The following SNTG1 variants were observed in gnomAD, a reference collection of about 807,000 sequenced individuals.
The protein encoded by SNTG1 is gamma-1-syntrophin.
Under a neutral mutation model 74.7 loss-of-function variants are expected in SNTG1, and 39 were observed. The ratio of observed to expected loss-of-function variants is 0.52; its 90% confidence interval spans 0.40 to 0.68. The LOEUF (loss-of-function observed/expected upper bound fraction) is 0.68. SNTG1 is among the 30% of genes least tolerant of loss of function. SNTG1 has a pLI of 0.00. For synonymous variants in SNTG1, 254 were observed against 217.1 expected, an observed-to-expected ratio of 1.17 and a Z score of -1.49; for missense variants, 685 against 609.5, an observed-to-expected ratio of 1.12 and a Z score of -1.30.
At chr8:49,965,122 C>T (rs989124900) in intron 1 of SNTG1, among the ~76,000 whole-genome samples, 24 of 152,030 alleles carry the variant, frequency 1.6e-4, no homozygotes, top group African/African-American at 4.6e-4. Context: ...TGACCACACT[C>T]GTCTATTAAA....
At chr8:50,475,398 G>A (rs2093689312) in intron 8 of SNTG1, among the ~76,000 whole-genome samples, 1 of 152,072 alleles carries the variant, frequency 6.6e-6, no homozygotes, top group Admixed American at 6.6e-5. Context: ...AGAAGCTCTG[G>A]AAACTTTGGG....
At chr8:50,129,131 T>G (rs1288201665) in intron 1 of SNTG1, among the ~76,000 whole-genome samples, 1 of 152,130 alleles carries the variant, frequency 6.6e-6, no homozygotes, top group Non-Finnish European at 1.5e-5. Flanking sequence ...AAATATTTAC[T>G]GAGTGCCTAC....
At chr8:50,225,475 G>A (rs1401647006) in intron 2 of SNTG1, among the ~76,000 whole-genome samples, 6 of 152,130 alleles carry the variant, frequency 3.9e-5, no homozygotes, top group Non-Finnish European at 7.4e-5. Context: ...ACCACCTTGA[G>A]TTGTCCCCTG....
chr8:50,050,513 C>T (rs902120104), intron 1 of SNTG1, among the ~76,000 whole-genome samples: 1 of 152,066 alleles, frequency 6.6e-6, no homozygotes, highest in East Asian at 1.9e-4. Flanking sequence ...GTGTATTCTT[C>T]CCCAAATTCA....
Position 50,658,251 on chromosome 8 carries a change from G to T in SNTG1, c.967-341G>T, listed in dbSNP as rs557175880. ...GTCTGGTATTCTCTGTATTTAACTAGTGGTAAATTAAAAAAAAAATATGAG... is the reference window on the plus strand; with the variant it reads ...GTCTGGTATTCTCTGTATTTAACTATTGGTAAATTAAAAAAAAAATATGAG... On this transcript the variant is annotated intron_variant, in intron 14 of 18. Transcript: ENST00000642720. 5.7e-5 allele frequency among the ~76,000 whole-genome samples: 8 copies of T among 141,210 alleles called. No homozygotes were observed. In the East Asian group the frequency reaches 1.6e-3, roughly 29 times the overall value. 92.6% of individuals were successfully genotyped at this position (141,210 alleles called of 152,430 possible).
chr8:50,400,816 C>T (rs4256602), intron 3 of SNTG1, among the ~76,000 whole-genome samples: 109,657 of 151,994 alleles, frequency 0.72, 39,672 homozygotes, highest in East Asian at 0.84. Flanking sequence ...GGGTCAGAAT[C>T]GGGAGATGTT....
At chr8:50,195,808 C>G (rs2083747692) in intron 2 of SNTG1, among the ~76,000 whole-genome samples, 1 of 152,138 alleles carries the variant, frequency 6.6e-6, no homozygotes, top group African/African-American at 2.4e-5. Flanking sequence ...AGGAGCAGTT[C>G]ACTTCCTTCA....
At chr8:50,001,160 G>C (rs564626989) in intron 1 of SNTG1, among the ~76,000 whole-genome samples, 1 of 152,260 alleles carries the variant, frequency 6.6e-6, no homozygotes, top group Non-Finnish European at 1.5e-5. Flanking sequence ...GTGTGCAGGG[G>C]CTTAGTATTC....
At chr8:50,141,107 T>G (rs563127335) in intron 1 of SNTG1, among the ~76,000 whole-genome samples, 26 of 152,226 alleles carry the variant, frequency 1.7e-4, no homozygotes, top group Admixed American at 1.5e-3. Flanking sequence ...ATACATGGAG[T>G]CTCCAGGTTT....
rs541409206 is a variant in SNTG1, at chr8:50,231,992, A to G, written c.-28+59357A>G. ...GTACTCCATAAATATATTCAACTAT[A>G]ATTTATCAAAATATTAAAAAATGAA... is the stretch of plus-strand genomic sequence containing the variant. On this transcript the variant is annotated intron_variant, in intron 2 of 18. Transcript: ENST00000642720. 2.0e-5 allele frequency among the ~76,000 whole-genome samples: 3 copies of G among 151,484 alleles called. No homozygotes were observed. The South Asian group carries it at 6.2e-4, about 31-fold the overall frequency.
At chr8:50,385,198 G>T in intron 2 of SNTG1, among the ~76,000 whole-genome samples, 1 of 152,142 alleles carries the variant, frequency 6.6e-6, no homozygotes, top group East Asian at 1.9e-4. Context: ...TGGACCTGAC[G>T]CAGAATCTTC....
At chr8:50,597,887 T>C (rs2094742400) in intron 13 of SNTG1, among the ~76,000 whole-genome samples, 1 of 152,062 alleles carries the variant, frequency 6.6e-6, no homozygotes, top group African/African-American at 2.4e-5. Flanking sequence ...TTCAGATCTT[T>C]TGCCCATTTT....
At chr8:50,572,152 C>T (rs546907617) in intron 12 of SNTG1, among the ~76,000 whole-genome samples, 55 of 151,970 alleles carry the variant, frequency 3.6e-4, no homozygotes, top group Non-Finnish European at 6.2e-4. Context: ...TACACCTGCC[C>T]CTATGAGAAG....
intron 1 of SNTG1, among the ~76,000 whole-genome samples, chr8:49,937,340 A>G (rs1808180090): frequency 6.6e-6 from 1 of 152,192 alleles, no homozygotes; most frequent in South Asian, 2.1e-4. Flanking sequence ...GGAGAAAGGG[A>G]TGACATAGAG....
chr8:50,327,478 C>G (rs748212277), intron 2 of SNTG1, among the ~76,000 whole-genome samples: 77 of 152,174 alleles, frequency 5.1e-4, no homozygotes, highest in Non-Finnish European at 5.7e-4. Flanking sequence ...TCTTTCTACC[C>G]CAGCTTTCTT....
intron 11 of SNTG1, among the ~76,000 whole-genome samples, chr8:50,543,787 C>A (rs2094365882): frequency 6.6e-6 from 1 of 152,010 alleles, no homozygotes. Context: ...GAGTGATTGT[C>A]CAATTTTACA....
intron 1 of SNTG1, among the ~76,000 whole-genome samples, chr8:49,967,760 G>T (rs1811280970): frequency 1.3e-5 from 2 of 152,318 alleles, no homozygotes; most frequent in African/African-American, 2.4e-5. Context: ...GCAGTGAAAA[G>T]TTCCATTAAG....
rs549312198 is a variant in SNTG1 at position 50,539,804 on chromosome 8, A to G, written c.680+2996A>G. The stretch of plus-strand genomic sequence containing the variant: ...CTAAGCCCTGCTGAAAACCTTGTGA[A>G]CAGGGAGACAATGGTTCCATTGGTA... On this transcript the variant is annotated intron_variant, in intron 11 of 18. Coordinates refer to ENST00000642720, the MANE Select transcript of SNTG1 (RefSeq NM_018967.5). Among the ~76,000 whole-genome samples the G allele has an allele frequency of 2.0e-5, 3 of 152,310 alleles. No individual in the cohort carries two copies. The South Asian group carries it at 6.2e-4, about 32-fold the overall frequency.
At chr8:50,030,919 C>A (rs570343351) in intron 1 of SNTG1, among the ~76,000 whole-genome samples, 5 of 151,984 alleles carry the variant, frequency 3.3e-5, no homozygotes, top group Admixed American at 6.6e-5. Flanking sequence ...CCTGTATACA[C>A]ATTTGTAGAG....
Sources: gnomAD v4.1 joint callset for allele counts (sites outside exome capture counted in the v4.1 genomes callset) on GRCh38, gnomAD v4.1.1 for gene constraint, MANE v1.5 for transcripts, NCBI Gene and HGNC (gene_info 2026-07-23, HGNC 2026-07-21) for gene names.